The following CCDC6 variants were observed in gnomAD, a reference collection of about 807,000 sequenced individuals.
CCDC6 encodes coiled-coil domain containing 6.
CCDC6 carries 20 observed loss-of-function variants against 56.6 expected under a neutral mutation model. The ratio of observed to expected loss-of-function variants is 0.35; its 90% CI spans 0.25 to 0.51. CCDC6 has a LOEUF of 0.51. Ranked by LOEUF, CCDC6 falls within the 20% of genes least tolerant of loss-of-function variation. CCDC6 has a pLI of 0.95. For synonymous variants in CCDC6, 241 were observed against 234.4 expected (o/e 1.03, Z -0.26); for missense variants, 367 against 601.1 (o/e 0.61, Z 4.07).
intron 7 of CCDC6, among the ~76,000 whole-genome samples, chr10:59,799,958 T>G (rs2070558763): frequency 6.6e-6 from 1 of 152,212 alleles, no homozygotes; most frequent in Non-Finnish European, 1.5e-5. Flanking sequence ...TTTGATGCAC[T>G]TTAGCTCATT....
intron 2 of CCDC6, among the ~76,000 whole-genome samples, chr10:59,842,900 C>T (rs748284720): frequency 1.3e-5 from 2 of 152,050 alleles, no homozygotes; most frequent in Admixed American, 6.6e-5. Flanking sequence ...ACTACAGGCA[C>T]CTGCCACCGC....
intron 1 of CCDC6, among the ~76,000 whole-genome samples, chr10:59,871,869 G>T (rs1847960968): frequency 6.6e-6 from 1 of 152,028 alleles, no homozygotes; most frequent in African/African-American, 2.4e-5. Context: ...AAAAAAAATA[G>T]CACTCTGATT....
At chr10:59,887,525 G>T (rs1408108375) in intron 1 of CCDC6, among the ~76,000 whole-genome samples, 1 of 151,536 alleles carries the variant, frequency 6.6e-6, no homozygotes. Flanking sequence ...ATAATTAAAT[G>T]GCAGGGGGAG....
At chr10:59,795,011 T>C (rs575505645) in intron 7 of CCDC6, among the ~76,000 whole-genome samples, 1 of 151,944 alleles carries the variant, frequency 6.6e-6, no homozygotes, top group African/African-American at 2.4e-5. Flanking sequence ...ATAAAACTCT[T>C]AGAAGGAAAA....
chr10:59,885,704 A>AT (rs1021801701), intron 1 of CCDC6, among the ~76,000 whole-genome samples: 26 of 152,034 alleles, frequency 1.7e-4, no homozygotes, highest in Admixed American at 1.1e-3. Flanking sequence ...GGCCCAGAAC[A>AT]TTTTTTTACC....
chr10:59,892,956 A>T (rs2071433758), intron 1 of CCDC6, among the ~76,000 whole-genome samples: 1 of 152,210 alleles, frequency 6.6e-6, no homozygotes, highest in Non-Finnish European at 1.5e-5. Flanking sequence ...CCGCCCAGGA[A>T]GCTGACTCTA....
intron 1 of CCDC6, among the ~76,000 whole-genome samples, chr10:59,899,137 C>T (rs570670294): frequency 2.0e-5 from 3 of 152,104 alleles, no homozygotes; most frequent in Non-Finnish European, 4.4e-5. Flanking sequence ...CAAGTTAACA[C>T]CACCCCAAGA....
At chr10:59,838,946 C>T (rs756314182) in intron 2 of CCDC6, among the ~76,000 whole-genome samples, 3 of 152,190 alleles carry the variant, frequency 2.0e-5, no homozygotes, top group Admixed American at 1.3e-4. Flanking sequence ...GGGTGAGAAG[C>T]ACATTGTCAT....
intron 1 of CCDC6, among the ~76,000 whole-genome samples, chr10:59,902,159 C>G (rs1244083051): frequency 6.6e-6 from 1 of 152,120 alleles, no homozygotes; most frequent in Non-Finnish European, 1.5e-5. Flanking sequence ...ATGTTTACCA[C>G]TATTATACAG....
chr10:59,859,607 A>C (rs1355834855), intron 1 of CCDC6, among the ~76,000 whole-genome samples: 1 of 152,208 alleles, frequency 6.6e-6, no homozygotes, highest in East Asian at 1.9e-4. Flanking sequence ...CAAACCTAAC[A>C]ATCCAAAATG....
intron 5 of CCDC6, among the ~76,000 whole-genome samples, chr10:59,812,062 C>CA (rs142710534): frequency 3.7e-3 from 450 of 121,088 alleles, no homozygotes; most frequent in Non-Finnish European, 5.4e-3. Flanking sequence ...TTTGAATAGC[C>CA]AAAAAAAAAA....
chr10:59,900,402 C>T (rs1022744215), intron 1 of CCDC6, among the ~76,000 whole-genome samples: 1 of 152,046 alleles, frequency 6.6e-6, no homozygotes, highest in East Asian at 1.9e-4. Context: ...AGGGGACGAG[C>T]GGCACCATTG....
At chr10:59,886,320 T>C (rs918032456) in intron 1 of CCDC6, among the ~76,000 whole-genome samples, 1 of 152,134 alleles carries the variant, frequency 6.6e-6, no homozygotes, top group Non-Finnish European at 1.5e-5. Context: ...AATTCAGTAA[T>C]TGATCAACTA....
intron 1 of CCDC6, among the ~76,000 whole-genome samples, chr10:59,854,428 G>C (rs2071063836): frequency 6.6e-6 from 1 of 152,146 alleles, no homozygotes; most frequent in Non-Finnish European, 1.5e-5. Context: ...AAACAGTGGA[G>C]GCTTTGGGAG....
chr10:59,822,577 T>G (rs932604633), intron 3 of CCDC6, among the ~76,000 whole-genome samples: 1 of 152,140 alleles, frequency 6.6e-6, no homozygotes, highest in Non-Finnish European at 1.5e-5. Context: ...ATCAGATCAG[T>G]GGCTACCATC....
At chr10:59,878,252 T>G (rs1025229073) in intron 1 of CCDC6, among the ~76,000 whole-genome samples, 1 of 152,220 alleles carries the variant, frequency 6.6e-6, no homozygotes, top group Non-Finnish European at 1.5e-5. Flanking sequence ...TGGATGCTCA[T>G]AGCCAGACCT....
At chr10:59,812,015 C>T (rs1361082589) in intron 5 of CCDC6, among the ~76,000 whole-genome samples, 1 of 144,230 alleles carries the variant, frequency 6.9e-6, no homozygotes, top group Non-Finnish European at 1.5e-5. Context: ...TTTTTCACTG[C>T]ATACCTTTCA....
At chr10:59,861,171 T>A (rs2071124796) in intron 1 of CCDC6, among the ~76,000 whole-genome samples, 1 of 151,964 alleles carries the variant, frequency 6.6e-6, no homozygotes. Context: ...GGAGTTAGAC[T>A]ATCTCAAAAA....
chr10:59,811,832 G>GA (rs1013482550), intron 5 of CCDC6, among the ~76,000 whole-genome samples: 13 of 150,242 alleles, frequency 8.7e-5, no homozygotes, highest in Non-Finnish European at 1.2e-4. Flanking sequence ...TGTATTTATT[G>GA]AAAAAAAAAT....
Sources: allele counts gnomAD v4.1 joint callset (sites outside exome capture counted in the v4.1 genomes callset), GRCh38; gene constraint gnomAD v4.1.1; transcripts MANE v1.5; gene names NCBI Gene and HGNC (gene_info 2026-07-23, HGNC 2026-07-21).